LRCH3: variants seen among roughly 807,000 people sequenced by gnomAD.
LRCH3 encodes the protein leucine rich repeats and calponin homology domain containing 3.
LRCH3 carries 68 observed loss-of-function variants against 104.5 expected under a neutral mutation model. That is an observed-to-expected ratio of 0.65 (90% CI 0.54 to 0.80). The LOEUF is 0.80. Among genes scored for constraint, LRCH3 ranks in the 30% least tolerant of loss-of-function variants. The pLI is 0.00. For synonymous variants in LRCH3, 344 were observed against 361.3 expected (o/e 0.95, Z 0.54); for missense variants, 951 against 953.9 (o/e 1.00, Z 0.04).
intron 1 of LRCH3, among the ~76,000 whole-genome samples, chr3:197,800,225 T>A (rs1337290864): frequency 6.6e-6 from 1 of 152,054 alleles, no homozygotes; most frequent in African/African-American, 2.4e-5. Flanking sequence ...CACAGTTTTT[T>A]AAAAATGATT....
intron 15 of LRCH3, among the ~76,000 whole-genome samples, chr3:197,864,616 AAAAAAAACAAAAAAC>A (rs1741253912): frequency 6.6e-6 from 1 of 150,900 alleles, no homozygotes; most frequent in African/African-American, 2.4e-5. Context: ...ATCTCAAAAA[AAAAAAAACAAAAAAC>A]AAAAAAACAA....
chr3:197,877,552 C>T lies in LRCH3; in HGVS notation c.2208+1777C>T, dbSNP rs550748313. 9.9e-3 allele frequency among the ~76,000 whole-genome samples: 1,201 copies of T among 121,332 alleles called. 20 individuals carry two copies. Among genetic ancestry groups the T allele is most frequent in the Non-Finnish European group, 0.017 (887 of 50,938 alleles). The allele number at this position is 121,332 out of a possible 152,430, so 79.6% of individuals were successfully genotyped here. ...CAGTGATTCTCTTTACCCAACTCACCGCACCCATGACAGTGATTCTCTTTA... is the reference window on the plus strand; with the variant it reads ...CAGTGATTCTCTTTACCCAACTCACTGCACCCATGACAGTGATTCTCTTTA... On this transcript the variant is annotated intron_variant, in intron 20 of 20. Transcript: ENST00000425562.
chr3:197,839,184 A>T, intron 9 of LRCH3, 137 bp from the exon 10 acceptor site: 3 of 592,978 alleles, frequency 5.1e-6, no homozygotes, highest in Non-Finnish European at 8.8e-6. Context: ...TTTAAACTTA[A>T]AGTTTACATT....
intron 10 of LRCH3, among the ~76,000 whole-genome samples, chr3:197,847,060 A>G (rs1352455774): frequency 1.3e-5 from 2 of 152,266 alleles, no homozygotes; most frequent in Admixed American, 6.5e-5. Context: ...CTCAGTTTAC[A>G]TGTATCGTGT....
At chr3:197,860,758 T>C (rs941644863) in intron 15 of LRCH3, among the ~76,000 whole-genome samples, 5 of 152,124 alleles carry the variant, frequency 3.3e-5, no homozygotes, top group African/African-American at 1.2e-4. Flanking sequence ...AACAATCCAG[T>C]TATACTCCTT....
chr3:197,818,323 T>G (rs1256073186), intron 3 of LRCH3, among the ~76,000 whole-genome samples: 1 of 152,236 alleles, frequency 6.6e-6, no homozygotes, highest in Admixed American at 6.5e-5. Flanking sequence ...TAAGGTTATA[T>G]AACAGAAATA....
At chr3:197,870,957 G>A (rs571564720) in intron 18 of LRCH3, among the ~76,000 whole-genome samples, 96 of 152,002 alleles carry the variant, frequency 6.3e-4, no homozygotes, top group African/African-American at 2.3e-3. Flanking sequence ...TCTACTTCCT[G>A]TTATAAAGAA....
chr3:197,830,191 C>T (rs1735739708), intron 6 of LRCH3, among the ~76,000 whole-genome samples: 1 of 152,162 alleles, frequency 6.6e-6, no homozygotes, highest in Non-Finnish European at 1.5e-5. Flanking sequence ...CTATGAGTCC[C>T]TCAGCTACAC....
rs773919084 is a variant in LRCH3, at chr3:197,839,315, G to T, written c.1252-6G>T. ...TAAATTTATTTATTTCTGTCCTCTG[G>T]CCTAGGGTTCACCAGTAAAGCCAGT... On this transcript the variant is annotated splice_polypyrimidine_tract_variant and splice_region_variant and intron_variant, in intron 9 of 20. Transcript: ENST00000425562. 17 of 1,581,488 alleles carry T rather than the reference G, an allele frequency of 1.1e-5. No homozygotes were observed. Among genetic ancestry groups the T allele is most frequent in the Non-Finnish European group, 1.4e-5 (16 of 1,164,180 alleles).
At chr3:197,791,662 G>A in intron 1 of LRCH3, 122 bp downstream of exon 1, 2 of 1,162,240 alleles carry the variant, frequency 1.7e-6, no homozygotes, top group East Asian at 3.1e-5. Context: ...GTCCGGACCC[G>A]GGTAACGGGG....
At chr3:197,809,822 G>A (rs759181360) in intron 1 of LRCH3, among the ~76,000 whole-genome samples, 30 of 152,136 alleles carry the variant, frequency 2.0e-4, no homozygotes, top group Non-Finnish European at 3.8e-4. Context: ...AAGAGAGTCT[G>A]TAATTGCTCT....
chr3:197,882,642 A>G (rs1219250129), intron 20 of LRCH3: 1 of 975,456 alleles, frequency 1.0e-6, no homozygotes, highest in Non-Finnish European at 1.2e-6. Context: ...TCTTTTTGGA[A>G]TATTTAATCT....
intron 1 of LRCH3, among the ~76,000 whole-genome samples, chr3:197,808,638 G>T (rs772455277): frequency 2.6e-5 from 4 of 152,118 alleles, no homozygotes; most frequent in Non-Finnish European, 5.9e-5. Flanking sequence ...TGGGCCAGGC[G>T]CAGTGGCTCA....
chr3:197,814,307 C>T (rs1022428681), intron 1 of LRCH3, among the ~76,000 whole-genome samples: 9 of 152,164 alleles, frequency 5.9e-5, no homozygotes, highest in Non-Finnish European at 1.2e-4. Flanking sequence ...GTCACTATCA[C>T]GAGAATAACA....
At chr3:197,844,740 T>C (rs1025782583) in intron 10 of LRCH3, among the ~76,000 whole-genome samples, 2 of 152,030 alleles carry the variant, frequency 1.3e-5, no homozygotes, top group Non-Finnish European at 2.9e-5. Context: ...GCCTCAGCCT[T>C]CTGAGTAGCT....
intron 12 of LRCH3, among the ~76,000 whole-genome samples, chr3:197,849,267 C>CAAAA (rs35823428): frequency 4.8e-4 from 17 of 35,278 alleles, no homozygotes; most frequent in African/African-American, 8.2e-4. Context: ...GACTCCACCT[C>CAAAA]AAAAAAAAAA....
At chr3:197,844,829 CA>C (rs933020965) in intron 10 of LRCH3, among the ~76,000 whole-genome samples, 10 of 151,866 alleles carry the variant, frequency 6.6e-5, no homozygotes, top group Admixed American at 3.3e-4. Flanking sequence ...CCATGTTGAC[CA>C]GGATGGCCTC....
chr3:197,816,018 T>C (rs1354228259), intron 2 of LRCH3, among the ~76,000 whole-genome samples: 1 of 152,208 alleles, frequency 6.6e-6, no homozygotes, highest in Admixed American at 6.5e-5. Flanking sequence ...GAAAATAAAT[T>C]TTCCTCTGGG....
At chr3:197,849,936 A>G (rs1739339545) in intron 12 of LRCH3, among the ~76,000 whole-genome samples, 1 of 152,230 alleles carries the variant, frequency 6.6e-6, no homozygotes, top group Admixed American at 6.5e-5. Context: ...GCTTATAATG[A>G]AAGTGCTAGT....
Sources: gnomAD v4.1 joint callset for allele counts (sites outside exome capture counted in the v4.1 genomes callset) on GRCh38, gnomAD v4.1.1 for gene constraint, MANE v1.5 for transcripts, NCBI Gene and HGNC (gene_info 2026-07-23, HGNC 2026-07-21) for gene names.